Variants in NEIL3 observed in about 807,000 individuals in gnomAD.
NEIL3 encodes the protein nei like DNA glycosylase 3, also known as endonuclease 8-like 3.
Under a neutral mutation model 57.5 loss-of-function variants are expected in NEIL3, and 48 were observed. The observed-to-expected ratio is 0.83, with a 90% confidence interval of 0.66 to 1.06. The LOEUF is 1.06. NEIL3 is among the 50% of genes least tolerant of loss of function. The pLI, the probability that NEIL3 is intolerant of heterozygous loss-of-function variation, is 0.00. For synonymous variants in NEIL3, 261 were observed against 253.2 expected (o/e 1.03, Z -0.29); for missense variants, 717 against 739.1 (o/e 0.97, Z 0.35).
chr4:177,363,917 ATTTTTGTAT>A (rs1735656358), downstream of NEIL3, among the ~76,000 whole-genome samples: 1 of 151,952 alleles, frequency 6.6e-6, no homozygotes. Flanking sequence ...CGCCGGGCTA[ATTTTTGTAT>A]TTTTTGTAGA....
intron 6 of NEIL3, among the ~76,000 whole-genome samples, chr4:177,344,685 C>T (rs900222156): frequency 2.6e-5 from 4 of 152,174 alleles, no homozygotes; most frequent in African/African-American, 7.2e-5. Flanking sequence ...CTTCAGCCTC[C>T]CGAGTAGCTG....
At chr4:177,334,239 G>A (rs1734934543) in intron 2 of NEIL3, among the ~76,000 whole-genome samples, 1 of 151,612 alleles carries the variant, frequency 6.6e-6, no homozygotes, top group Admixed American at 6.6e-5. Context: ...TATAGTTTAA[G>A]ATCAAAGGTA....
intron 2 of NEIL3, among the ~76,000 whole-genome samples, chr4:177,329,582 A>G (rs545528486): frequency 2.6e-5 from 4 of 152,348 alleles, no homozygotes; most frequent in African/African-American, 9.6e-5. Flanking sequence ...GTAAAGCAAG[A>G]ACTGCTAGAA....
Position 177,309,892 on chromosome 4 carries a change from A to G in NEIL3, c.-62A>G. 1 of 1,549,496 alleles carries G rather than the reference A, an allele frequency of 6.5e-7. No homozygotes were observed. The highest frequency in any genetic ancestry group is 8.7e-7 in the Non-Finnish European group (1 of 1,151,508). On this transcript the variant is annotated 5_prime_UTR_variant, in exon 1 of 10. Transcript: ENST00000264596. ...TGCGGTCAGTGCCCGCGCAGCGTTGAGTTGCACAGCGGTATTCTCACCAGG... is the reference window on the plus strand; with the variant it reads ...TGCGGTCAGTGCCCGCGCAGCGTTGGGTTGCACAGCGGTATTCTCACCAGG...
At chr4:177,315,799 G>A (rs1045295319) in intron 1 of NEIL3, among the ~76,000 whole-genome samples, 2 of 152,126 alleles carry the variant, frequency 1.3e-5, no homozygotes, top group African/African-American at 2.4e-5. Context: ...ATTGTAAGTT[G>A]AAAATTTTAT....
intron 1 of NEIL3, among the ~76,000 whole-genome samples, chr4:177,315,222 T>G (rs748746555): frequency 1.3e-5 from 2 of 152,220 alleles, no homozygotes; most frequent in Non-Finnish European, 2.9e-5. Flanking sequence ...TGGAAAAGTC[T>G]TATTCTGCTC....
At chr4:177,341,060 C>G (rs1039798676) in intron 5 of NEIL3, among the ~76,000 whole-genome samples, 2 of 151,924 alleles carry the variant, frequency 1.3e-5, no homozygotes, top group Admixed American at 6.6e-5. Context: ...GTTGTTGAAA[C>G]TGAGTGAGCA....
intron 2 of NEIL3, among the ~76,000 whole-genome samples, chr4:177,334,142 TA>T (rs33982057): frequency 0.15 from 21,251 of 144,848 alleles, 1,556 homozygotes; most frequent in Middle Eastern, 0.23. Flanking sequence ...TGTCCTGGTT[TA>T]AAAAAAAAAA....
Position 177,351,545 on chromosome 4 carries a change from T to G in NEIL3, c.1035T>G (p.Pro345=). ...GTGATGCTTGCTTGACCTCAAGGCC[T>G]ATTGGTAAGACTGAATTTTGATTTT... is the stretch of plus-strand genomic sequence containing the variant. ...KACDACLTSR[P]IDSVLKSEEN... Residue 345 remains proline, a synonymous_variant, in exon 7 of 10, where the codon CCT becomes CCG. Coordinates refer to ENST00000264596, the MANE Select transcript of NEIL3 (RefSeq NM_018248.3). The G allele has an allele frequency of 6.2e-7, 1 of 1,609,520 alleles. No homozygotes were observed. Among genetic ancestry groups the G allele is most frequent in the Non-Finnish European group, 8.5e-7 (1 of 1,178,098 alleles).
chr4:177,324,829 C>T (rs190354679), intron 2 of NEIL3, among the ~76,000 whole-genome samples: 15 of 152,276 alleles, frequency 9.9e-5, no homozygotes, highest in African/African-American at 3.6e-4. Flanking sequence ...TACAATGCCA[C>T]ATTGCCAGTA....
chr4:177,322,530 G>A lies in NEIL3; in HGVS notation c.228G>A (p.Val76=), dbSNP rs879227675. The A allele has an allele frequency of 6.2e-7, 1 of 1,613,936 alleles. No homozygotes were observed. ...TTAATGGATATGTTTACAGTGGCGT[G>A]GAAACTTTGGGGAAGGAGCTCTTTA... is the stretch of plus-strand genomic sequence containing the variant. ...SLFNGYVYSG[V]ETLGKELFMY... The change falls in exon 2 of 10, where the codon GTG becomes GTA. Residue 76 remains valine (V), a synonymous_variant. Coordinates refer to ENST00000264596, the MANE Select transcript of NEIL3 (RefSeq NM_018248.3).
intron 1 of NEIL3, among the ~76,000 whole-genome samples, chr4:177,317,179 A>G (rs997739730): frequency 3.9e-5 from 6 of 152,202 alleles, no homozygotes; most frequent in African/African-American, 1.2e-4. Context: ...ATCAGGCGAT[A>G]AACATCTTTT....
intron 1 of NEIL3, among the ~76,000 whole-genome samples, chr4:177,317,723 T>C (rs1281396957): frequency 7.0e-6 from 1 of 143,838 alleles, no homozygotes; most frequent in Non-Finnish European, 1.5e-5. Flanking sequence ...TGCCTCAGCC[T>C]CCCAAATAGC....
intron 1 of NEIL3, among the ~76,000 whole-genome samples, chr4:177,321,793 T>G (rs1734690986): frequency 6.6e-6 from 1 of 152,294 alleles, no homozygotes; most frequent in South Asian, 2.1e-4. Flanking sequence ...CCGCAGGTTT[T>G]TATCTCTGAT....
In NEIL3 at chr4:177,353,364, C is replaced by A. The variant is rs760712806; in HGVS notation, c.1096C>A (p.Pro366Thr). 2 of 1,613,680 alleles carry A rather than the reference C, an allele frequency of 1.2e-6. No homozygotes were observed. The highest frequency in any genetic ancestry group is 1.1e-5 in the South Asian group (1 of 91,022). The change falls in exon 8 of 10, where the codon CCG (proline) becomes ACG (threonine). Residue 366 changes from proline (P) to threonine (T), a missense_variant. Physicochemically the swap from Pro to Thr is conservative, Grantham distance 38. Coordinates refer to ENST00000264596, the MANE Select transcript of NEIL3 (RefSeq NM_018248.3). The stretch of plus-strand genomic sequence containing the variant: ...TGTCTTTAGCCACTTAATGAAGTAC[C>A]CGTGTAATACTTTTGGAAAACCTCA... Reference protein sequence around the residue: ...STVFSHLMKYPCNTFGKPHTE... With the variant: ...STVFSHLMKYTCNTFGKPHTE...
At chr4:177,322,819 G>A (rs1310475127) in intron 2 of NEIL3, among the ~76,000 whole-genome samples, 2 of 152,108 alleles carry the variant, frequency 1.3e-5, no homozygotes, top group Non-Finnish European at 2.9e-5. Flanking sequence ...ATGTATTAGA[G>A]CAACACATCT....
intron 1 of NEIL3, among the ~76,000 whole-genome samples, chr4:177,314,001 GA>G (rs889409629): frequency 3.3e-5 from 5 of 152,042 alleles, no homozygotes; most frequent in Admixed American, 1.3e-4. Flanking sequence ...CAAAGTGGGG[GA>G]AAAAAATCGT....
At position 177,320,330 on chromosome 4, in the gene NEIL3, T is replaced by C. The variant is rs146478482; in HGVS notation, c.157-2129T>C. ...TCAAGCCTGCCTTCCCAGTGCTTGA[T>C]AATTATTGATAGGTACTAGAGTTCA... On this transcript the variant is annotated intron_variant, in intron 1 of 9. Coordinates refer to ENST00000264596, the MANE Select transcript of NEIL3 (RefSeq NM_018248.3). Among the ~76,000 whole-genome samples the C allele has an allele frequency of 8.3e-4, 126 of 152,234 alleles. 1 individual carries two copies. The highest frequency in any genetic ancestry group is 2.7e-3 in the African/African-American group (113 of 41,522).
At chr4:177,315,511 C>T (rs1013770873) in intron 1 of NEIL3, among the ~76,000 whole-genome samples, 2 of 152,108 alleles carry the variant, frequency 1.3e-5, no homozygotes, top group African/African-American at 4.8e-5. Flanking sequence ...GTATATTGGA[C>T]AATTACGTAT....
Sources: allele counts gnomAD v4.1 joint callset (sites outside exome capture counted in the v4.1 genomes callset), GRCh38; gene constraint gnomAD v4.1.1; transcripts MANE v1.5; gene names NCBI Gene and HGNC (gene_info 2026-07-23, HGNC 2026-07-21).